Variants in RIN3 observed in about 807,000 individuals in gnomAD.
RIN3 encodes RAB5 interacting protein 3.
In RIN3, 54 loss-of-function variants were observed where a neutral mutation model predicts 76.3. The observed-to-expected ratio is 0.71, with a 90% CI of 0.57 to 0.89. RIN3 has a LOEUF of 0.89. RIN3 is among the 40% of genes least tolerant of loss of function. RIN3 has a pLI of 0.00. For missense variants in RIN3, 1,256 were observed against 1,322.1 expected (o/e 0.95, Z 0.78); for synonymous variants, 576 against 564.0 (o/e 1.02, Z -0.30).
At chr14:92,529,491 G>T (rs553798020) in intron 1 of RIN3, among the ~76,000 whole-genome samples, 1 of 152,046 alleles carries the variant, frequency 6.6e-6, no homozygotes, top group East Asian at 1.9e-4. Context: ...CTCGTGATCC[G>T]CCCACCTCGG....
At chr14:92,544,022 C>T (rs1269765325) in intron 1 of RIN3, among the ~76,000 whole-genome samples, 1 of 152,108 alleles carries the variant, frequency 6.6e-6, no homozygotes, top group Non-Finnish European at 1.5e-5. Flanking sequence ...CCTCCCCACC[C>T]CCCCATCTCA....
rs548848181 is a variant in RIN3, at chr14:92,643,663, C to T, written c.532+2334C>T. Among the ~76,000 whole-genome samples the T allele has an allele frequency of 5.9e-5, 9 of 152,334 alleles. No homozygotes were observed. Among genetic ancestry groups the T allele is most frequent in the African/African-American group, 1.9e-4 (8 of 41,578 alleles). On this transcript the variant is annotated intron_variant, in intron 5 of 9. Coordinates refer to ENST00000216487, the MANE Select transcript of RIN3 (RefSeq NM_024832.5). The surrounding 1 kb of genome is among the most constrained non-coding windows in gnomAD (Gnocchi z 4.8). ...AGAACACTGGCTGGACACAGTGGCT[C>T]ATGCCTATAATCTCAGCACTTTGGG... is the stretch of plus-strand genomic sequence containing the variant.
chr14:92,630,681 G>T (rs1038080084), intron 4 of RIN3, among the ~76,000 whole-genome samples: 1 of 152,158 alleles, frequency 6.6e-6, no homozygotes, highest in Non-Finnish European at 1.5e-5. Flanking sequence ...GTGCCCCTGG[G>T]CCTACCCTCA....
At position 92,651,776 on chromosome 14, in the gene RIN3, T is replaced by A. The variant is rs767033199; in HGVS notation, c.727T>A (p.Cys243Ser). 1.2e-6 allele frequency: 2 copies of A among 1,614,088 alleles called. No homozygotes were observed. Among genetic ancestry groups the A allele is most frequent in the South Asian group, 2.2e-5 (2 of 91,084 alleles). The change falls in exon 6 of 10, where the codon TGC becomes AGC. Residue 243 changes from cysteine (C) to serine (S), a missense_variant. Transcript: ENST00000216487. ...TGTGAATCCTATTTTCATCGAGGACTGCAGCAGCGCCCTGCCCACCGACCA... is the reference window on the plus strand; with the variant it reads ...TGTGAATCCTATTTTCATCGAGGACAGCAGCAGCGCCCTGCCCACCGACCA... ...WFVNPIFIED[C>S]SSALPTDQPP...
rs571417795 is a variant in RIN3, at chr14:92,650,667, C to A, written c.533-915C>A. On this transcript the variant is annotated intron_variant, in intron 5 of 9. Coordinates refer to ENST00000216487, the MANE Select transcript of RIN3 (RefSeq NM_024832.5). Reference sequence around the variant, plus strand: ...GGAAGCTTGAGTGAACGCAGGGTGGCCTATGCACTGACTGCAATTGTTCCC... The same window carrying A: ...GGAAGCTTGAGTGAACGCAGGGTGGACTATGCACTGACTGCAATTGTTCCC... 5.3e-4 allele frequency among the ~76,000 whole-genome samples: 80 copies of A among 152,322 alleles called. 1 individual carries two copies. In the South Asian group the frequency reaches 0.014, roughly 28 times the overall value.
intron 3 of RIN3, among the ~76,000 whole-genome samples, chr14:92,603,765 G>C (rs1885428376): frequency 6.6e-6 from 1 of 152,158 alleles, no homozygotes. Context: ...TGGCAGCCCT[G>C]GTCTGGCAGC....
chr14:92,566,089 A>G (rs1897908131), intron 2 of RIN3, among the ~76,000 whole-genome samples: 1 of 152,184 alleles, frequency 6.6e-6, no homozygotes, highest in Non-Finnish European at 1.5e-5. Context: ...TTGGTGGTGA[A>G]TGCTTTAAAC....
Position 92,676,523 on chromosome 14 carries a change from TG to T in RIN3, c.2386del (p.Ala796ProfsTer15). ...TTCCTGCCTGTGCTCATGTATGTGC[TG>T]GCCCGCAGCAACCTCACGGAGATGC... Reference protein sequence around the residue: ...DDFLPVLMYVLARSNLTEMLL... With the variant: ...DDFLPVLMYVXARSNLTEMLL... On this transcript the variant is annotated frameshift_variant, in exon 8 of 10. Coordinates refer to ENST00000216487, the MANE Select transcript of RIN3 (RefSeq NM_024832.5). LOFTEE classifies it high-confidence loss of function. 1 of 1,614,166 alleles carries T rather than the reference TG, an allele frequency of 6.2e-7. No homozygotes were observed. The highest frequency in any genetic ancestry group is 8.5e-7 in the Non-Finnish European group (1 of 1,180,012).
At chr14:92,562,722 T>C (rs1488078167) in intron 2 of RIN3, among the ~76,000 whole-genome samples, 1 of 152,122 alleles carries the variant, frequency 6.6e-6, no homozygotes, top group Non-Finnish European at 1.5e-5. Flanking sequence ...CCTGGCAATA[T>C]AAGATACTCC....
intron 4 of RIN3, among the ~76,000 whole-genome samples, chr14:92,630,399 G>C (rs941863108): frequency 6.6e-6 from 1 of 152,226 alleles, no homozygotes; most frequent in Non-Finnish European, 1.5e-5. Context: ...GGCTGAGGCA[G>C]GAGAACGGCT....
At chr14:92,582,626 T>A (rs1884597184) in intron 3 of RIN3, among the ~76,000 whole-genome samples, 1 of 151,960 alleles carries the variant, frequency 6.6e-6, no homozygotes, top group African/African-American at 2.4e-5. Context: ...CTAATTTTTG[T>A]GTATTTAGTG....
intron 4 of RIN3, among the ~76,000 whole-genome samples, chr14:92,618,863 T>C (rs1162404317): frequency 6.6e-6 from 1 of 152,174 alleles, no homozygotes; most frequent in Non-Finnish European, 1.5e-5. Flanking sequence ...TAATAAAAGC[T>C]TTAAGGACTC....
At chr14:92,600,161 G>A (rs1430527057) in intron 3 of RIN3, among the ~76,000 whole-genome samples, 2 of 152,256 alleles carry the variant, frequency 1.3e-5, no homozygotes, top group African/African-American at 2.4e-5. Context: ...GGAAGATGCA[G>A]ATCAGTGTCA....
In RIN3 at chr14:92,615,490, C is replaced by CGCCG; in HGVS notation, c.440+11_440+12insGCCG. ...CTACTGTGTCAGTAGGTGAGTAGAC[C>CGCCG]CGGCCCTGCAGGAGGTTATCTGGTT... On this transcript the variant is annotated intron_variant, in intron 4 of 9. Transcript: ENST00000216487. 1 of 1,610,864 alleles carries CGCCG rather than the reference C, an allele frequency of 6.2e-7. No homozygotes were observed. Among genetic ancestry groups the CGCCG allele is most frequent in the African/African-American group, 1.3e-5 (1 of 74,978 alleles).
In RIN3 at chr14:92,652,755, A is replaced by G; in HGVS notation, c.1706A>G (p.Lys569Arg). Residue 569 changes from lysine (K) to arginine (R), a missense_variant, in exon 6 of 10, where the codon AAG becomes AGG. Around this residue, in one of 3 missense-constraint regions of RIN3, gnomAD observed 428 missense variants for 521.2 expected, o/e 0.82. Coordinates refer to ENST00000216487, the MANE Select transcript of RIN3 (RefSeq NM_024832.5). This position sits in a 1 kb window ranked among gnomAD's most constrained non-coding sequence, Gnocchi z 6.4. ...LEQFSSPSVK[K>R]KPSMILGKAR... ...CAGTTCAGCAGCCCCAGCGTGAAGA[A>G]GAAGCCCTCCATGATCCTGGGCAAG... 6.2e-7 allele frequency: 1 copy of G among 1,613,946 alleles called. No individual in the cohort carries two copies. The highest frequency in any genetic ancestry group is 2.2e-5 in the East Asian group (1 of 44,874).
At chr14:92,679,663 A>G (rs1888596387) in intron 8 of RIN3, among the ~76,000 whole-genome samples, 1 of 152,076 alleles carries the variant, frequency 6.6e-6, no homozygotes, top group Admixed American at 6.5e-5. Context: ...GTGCAGAGGT[A>G]CCTGATCACC....
chr14:92,527,100 G>C (rs1896755104), intron 1 of RIN3, among the ~76,000 whole-genome samples: 1 of 147,934 alleles, frequency 6.8e-6, no homozygotes. Context: ...CCCCAGGCTG[G>C]AGTGCAGTGG....
chr14:92,595,525 A>G (rs193034642), intron 3 of RIN3, among the ~76,000 whole-genome samples: 307 of 150,648 alleles, frequency 2.0e-3, no homozygotes, highest in Non-Finnish European at 3.6e-3. Flanking sequence ...CTCTGAACCC[A>G]CCTCCCAGAT....
At chr14:92,683,257 C>A (rs571909045) in intron 8 of RIN3, among the ~76,000 whole-genome samples, 30 of 152,138 alleles carry the variant, frequency 2.0e-4, no homozygotes, top group Non-Finnish European at 4.0e-4. Context: ...CAAGGAAGCA[C>A]CATGGAGGTG....
Sources: gnomAD v4.1 joint callset for allele counts (sites outside exome capture counted in the v4.1 genomes callset) on GRCh38, gnomAD v4.1.1 for gene constraint, gnomAD v4.1.1 regional missense constraint, Gnocchi (gnomAD v3.1) non-coding constraint, MANE v1.5 for transcripts, NCBI Gene and HGNC (gene_info 2026-07-23, HGNC 2026-07-21) for gene names.